ASTN2: variants seen among roughly 807,000 people sequenced by gnomAD.
ASTN2 encodes astrotactin 2.
Under a neutral mutation model 139.8 loss-of-function variants are expected in ASTN2, and 54 were observed. That is an observed-to-expected ratio of 0.39 (90% CI 0.31 to 0.48). ASTN2 has a LOEUF of 0.48. Ranked by LOEUF, ASTN2 falls within the 20% of genes least tolerant of loss-of-function variation. ASTN2 has a pLI of 0.95. For synonymous variants in ASTN2, 756 were observed against 719.5 expected (o/e 1.05, Z -0.81); for missense variants, 1,565 against 1,725.1 (o/e 0.91, Z 1.64).
At chr9:117,291,573 A>G in intron 1 of ASTN2, 60 bp from the exon 2 acceptor site, 1 of 1,482,922 alleles carries the variant, frequency 6.7e-7, no homozygotes, top group South Asian at 1.3e-5. Context: ...TGCTCCAGGG[A>G]GGAAAAGAGC....
At chr9:116,524,193 A>G (rs1237031183) in intron 19 of ASTN2, among the ~76,000 whole-genome samples, 1 of 152,034 alleles carries the variant, frequency 6.6e-6, no homozygotes, top group African/African-American at 2.4e-5. Context: ...GGCAGCTCCT[A>G]TTGTTTTAGT....
At chr9:116,878,015 C>G (rs1833349564) in intron 10 of ASTN2, among the ~76,000 whole-genome samples, 2 of 152,222 alleles carry the variant, frequency 1.3e-5, no homozygotes, top group South Asian at 2.1e-4. Flanking sequence ...GGGATACCAT[C>G]TCACGCCAGT....
intron 5 of ASTN2, among the ~76,000 whole-genome samples, chr9:117,071,888 C>A (rs1057296619): frequency 1.3e-5 from 2 of 152,102 alleles, no homozygotes; most frequent in Admixed American, 6.5e-5. Context: ...GTGCGCGCAC[C>A]CACTGGCCTG....
At chr9:117,094,248 G>A (rs1028269594) in intron 5 of ASTN2, among the ~76,000 whole-genome samples, 2 of 151,706 alleles carry the variant, frequency 1.3e-5, no homozygotes, top group African/African-American at 4.8e-5. Flanking sequence ...GAGGGAGAGA[G>A]GGAGACAGGG....
intron 16 of ASTN2, among the ~76,000 whole-genome samples, chr9:116,695,419 C>G (rs1259360020): frequency 6.6e-6 from 1 of 152,134 alleles, no homozygotes; most frequent in East Asian, 1.9e-4. Flanking sequence ...GATAATTGTG[C>G]ATGTCTGCTG....
Position 117,214,352 on chromosome 9 carries a change from A to T in ASTN2, c.1015+6T>A, listed in dbSNP as rs1832238708. The T allele has an allele frequency of 2.5e-6, 4 of 1,575,054 alleles. No individual in the cohort carries two copies. The East Asian group carries it at 6.8e-5, about 27-fold the overall frequency. Reference sequence around the variant, plus strand: ...TGGAAAATGGGCTGTGACATGGAGGACTCACCTTTCTTCTCAAAGTCCACC... The same window carrying T: ...TGGAAAATGGGCTGTGACATGGAGGTCTCACCTTTCTTCTCAAAGTCCACC... On this transcript the variant is annotated splice_donor_region_variant and intron_variant, in intron 3 of 22. Transcript: ENST00000313400.
chr9:116,923,515 A>C (rs116695704), intron 10 of ASTN2, among the ~76,000 whole-genome samples: 6,869 of 152,258 alleles, frequency 0.045, 469 homozygotes, highest in African/African-American at 0.15. Context: ...TTATGAGAAA[A>C]GGTGAGTGAG....
intron 10 of ASTN2, among the ~76,000 whole-genome samples, chr9:116,905,373 C>T (rs193097277): frequency 3.3e-5 from 5 of 152,238 alleles, no homozygotes; most frequent in African/African-American, 4.8e-5. Flanking sequence ...AAGGGCCTGA[C>T]GAATCCGCCA....
intron 11 of ASTN2, among the ~76,000 whole-genome samples, chr9:116,824,371 C>T (rs376187202): frequency 1.1e-5 from 1 of 89,074 alleles, no homozygotes; most frequent in East Asian, 4.5e-4. Flanking sequence ...AGATCTTTCT[C>T]TCCCTCTGTC....
At chr9:116,749,729 G>A (rs1028211531) in intron 13 of ASTN2, among the ~76,000 whole-genome samples, 19 of 152,166 alleles carry the variant, frequency 1.2e-4, no homozygotes, top group African/African-American at 4.1e-4. Context: ...TTGGATCATG[G>A]GGGTGGATCC....
At chr9:117,097,816 G>A (rs1354300432) in intron 4 of ASTN2, among the ~76,000 whole-genome samples, 1 of 152,176 alleles carries the variant, frequency 6.6e-6, no homozygotes, top group East Asian at 1.9e-4. Flanking sequence ...ATGGCATTCA[G>A]TATACAGAAA....
At chr9:116,732,990 C>T (rs1828829591) in intron 14 of ASTN2, among the ~76,000 whole-genome samples, 1 of 152,172 alleles carries the variant, frequency 6.6e-6, no homozygotes, top group Non-Finnish European at 1.5e-5. Context: ...GGAGGGGCTC[C>T]TGATTGGAGA....
intron 7 of ASTN2, among the ~76,000 whole-genome samples, chr9:117,007,009 C>A (rs1486535105): frequency 6.6e-6 from 1 of 152,156 alleles, no homozygotes; most frequent in Non-Finnish European, 1.5e-5. Context: ...CCCCGCTACT[C>A]AGGAGGCTGA....
intron 17 of ASTN2, among the ~76,000 whole-genome samples, chr9:116,633,235 C>T (rs1856897031): frequency 6.6e-6 from 1 of 152,206 alleles, no homozygotes; most frequent in African/African-American, 2.4e-5. Flanking sequence ...TAGCCTCATC[C>T]ATCTAATCAT....
intron 1 of ASTN2, among the ~76,000 whole-genome samples, chr9:117,368,292 T>C (rs928886005): frequency 6.6e-6 from 1 of 151,516 alleles, no homozygotes; most frequent in African/African-American, 2.4e-5. Flanking sequence ...CACATGTGCA[T>C]GCACACACAC....
At chr9:116,506,528 T>C (rs138202594) in intron 19 of ASTN2, among the ~76,000 whole-genome samples, 764 of 152,160 alleles carry the variant, frequency 5.0e-3, no homozygotes, top group South Asian at 0.019. Context: ...CACCCAGACA[T>C]AGGCCTTGCT....
rs1281286328 is a variant in ASTN2 at position 117,414,971 on chromosome 9, C to CGGCGGT, written c.-39_-34dup. The CGGCGGT allele has an allele frequency of 1.2e-4, 24 of 206,376 alleles. No homozygotes were observed. Among genetic ancestry groups the CGGCGGT allele is most frequent in the East Asian group, 4.4e-4 (3 of 6,758 alleles). 12.8% of individuals were successfully genotyped at this position (206,376 alleles called of 1,614,324 possible). A position where few individuals can be genotyped will look rare whatever the true frequency, so the allele number is the denominator to read the frequency against. On this transcript the variant is annotated 5_prime_UTR_variant, in exon 1 of 23. Transcript: ENST00000313400. The surrounding 1 kb of genome is among the most constrained non-coding windows in gnomAD (Gnocchi z 4.2). Reference sequence around the variant, plus strand: ...GGGGCTGCGGTGCTGCGGGCGGCGGCGGCGGTGGCGGCGGTGGCGAAGGAG... The same window carrying CGGCGGT: ...GGGGCTGCGGTGCTGCGGGCGGCGGCGGCGGTGGCGGTGGCGGCGGTGGCGAAGGAG...
At chr9:116,662,818 C>T (rs1233784436) in intron 16 of ASTN2, among the ~76,000 whole-genome samples, 1 of 152,120 alleles carries the variant, frequency 6.6e-6, no homozygotes, top group Non-Finnish European at 1.5e-5. Context: ...CTCATGGAAT[C>T]CTCACAACAG....
chr9:117,252,876 G>T (rs1833576381), intron 2 of ASTN2, among the ~76,000 whole-genome samples: 1 of 152,092 alleles, frequency 6.6e-6, no homozygotes, highest in Non-Finnish European at 1.5e-5. Flanking sequence ...GTGAATCCTG[G>T]CTTCACAAGA....
Sources: gnomAD v4.1 joint callset for allele counts (sites outside exome capture counted in the v4.1 genomes callset) on GRCh38, gnomAD v4.1.1 for gene constraint, Gnocchi (gnomAD v3.1) non-coding constraint, MANE v1.5 for transcripts, NCBI Gene and HGNC (gene_info 2026-07-23, HGNC 2026-07-21) for gene names.